The following ACSF3 variants were observed in gnomAD, a reference collection of about 807,000 sequenced individuals.
ACSF3 encodes malonate--CoA ligase ACSF3, mitochondrial.
Under a neutral mutation model 53.2 loss-of-function variants are expected in ACSF3, and 78 were observed. That is an observed-to-expected ratio of 1.47 (90% CI 1.22 to 1.77). ACSF3 has a LOEUF of 1.77. Among genes scored for constraint, ACSF3 ranks in the 40% most tolerant of loss-of-function variants. ACSF3 has a pLI of 0.00. For synonymous variants in ACSF3, 414 were observed against 333.1 expected (o/e 1.24, Z -2.65); for missense variants, 937 against 771.1 (o/e 1.22, Z -2.55).
Position 89,101,217 on chromosome 16 carries a change from T to G in ACSF3, c.536T>G (p.Val179Gly), listed in dbSNP as rs374765592. ...PLTPAIYTGAVEEPAEVPVPE... is the reference protein window; with the variant it reads ...PLTPAIYTGAGEEPAEVPVPE... ...ACACCAGCCATCTACACTGGAGCAG[T>G]AGAGGAACCGGCAGAGGTCCCGGTC... The change falls in exon 3 of 11, where the codon GTA becomes GGA. Residue 179 changes from valine to glycine, a missense_variant. Val to Gly is a moderately radical substitution (Grantham distance 109). Transcript: ENST00000614302. 20 of 1,604,012 alleles carry G rather than the reference T, an allele frequency of 1.2e-5. No individual in the cohort carries two copies. Among genetic ancestry groups the G allele is most frequent in the East Asian group, 4.5e-5 (2 of 44,580 alleles).
In ACSF3 at chr16:89,155,392, C is replaced by T; in HGVS notation, c.*1185C>T. The T allele has an allele frequency of 2.2e-6, 1 of 453,002 alleles. No individual in the cohort carries two copies. The highest frequency in any genetic ancestry group is 4.4e-6 in the Non-Finnish European group (1 of 225,768). The allele number at this position is 453,002 out of a possible 1,614,324, so 28.1% of individuals were successfully genotyped here. On this transcript the variant is annotated 3_prime_UTR_variant, in exon 11 of 11. Coordinates refer to ENST00000614302, the MANE Select transcript of ACSF3 (RefSeq NM_001243279.3). ...GGAGACCAGCCCCATCTCAGGCTCA[C>T]ATGCCTCGCGGACAGTTGGACGTGG...
chr16:89,141,593 C>T lies in ACSF3; in HGVS notation c.1367-3674C>T, dbSNP rs149006350. ...CCAGGAACGTCCAGGCCAAGGCGTC[C>T]GGGCAAAGGCATCCAGGCCCGGGAG... On this transcript the variant is annotated intron_variant, in intron 8 of 10. Transcript: ENST00000614302. Among the ~76,000 whole-genome samples, 644 of 151,522 alleles carry T rather than the reference C, an allele frequency of 4.3e-3. 2 individuals carry two copies. Among genetic ancestry groups the T allele is most frequent in the African/African-American group, 0.015 (608 of 41,500 alleles).
At chr16:89,108,427 G>C (rs1164248728) in intron 4 of ACSF3, among the ~76,000 whole-genome samples, 2 of 152,158 alleles carry the variant, frequency 1.3e-5, no homozygotes, top group Non-Finnish European at 2.9e-5. Context: ...CACTGAAAAT[G>C]TTTTTATTGC....
intron 1 of ACSF3, among the ~76,000 whole-genome samples, chr16:89,096,925 C>G (rs1178497855): frequency 6.6e-6 from 1 of 152,242 alleles, no homozygotes; most frequent in Non-Finnish European, 1.5e-5. Flanking sequence ...GAGTGCCCAC[C>G]CACAGGCAGC....
chr16:89,096,728 C>T (rs377564818), intron 1 of ACSF3, among the ~76,000 whole-genome samples: 1 of 152,194 alleles, frequency 6.6e-6, no homozygotes, highest in Non-Finnish European at 1.5e-5. Flanking sequence ...TGCCAGGACT[C>T]CCCCCTTCCC....
At chr16:89,144,179 G>A (rs1165190904) in intron 8 of ACSF3, among the ~76,000 whole-genome samples, 1 of 152,242 alleles carries the variant, frequency 6.6e-6, no homozygotes, top group Non-Finnish European at 1.5e-5. Context: ...TGAGGCTGCA[G>A]CCCGCTCTTC....
intron 4 of ACSF3, 120 bp downstream of exon 4, chr16:89,102,879 C>T: frequency 7.1e-7 from 1 of 1,405,142 alleles, no homozygotes; most frequent in Non-Finnish European, 9.8e-7. Flanking sequence ...GGTCAGGGCT[C>T]TCGGCCGCGC....
At chr16:89,121,497 G>A (rs1906643037) in intron 7 of ACSF3, among the ~76,000 whole-genome samples, 3 of 152,350 alleles carry the variant, frequency 2.0e-5, no homozygotes, top group Non-Finnish European at 1.5e-5. Flanking sequence ...TCATTTCTGT[G>A]AGGATTTTAA....
rs560003776 is a variant in ACSF3, at chr16:89,155,188, C to T, written c.*981C>T. ...AATCCAGAAGTTTCTGGACAATTTT[C>T]AGAAGAATAGGCTGCCTCCTCCCCA... is the stretch of plus-strand genomic sequence containing the variant. On this transcript the variant is annotated 3_prime_UTR_variant, in exon 11 of 11. Coordinates refer to ENST00000614302, the MANE Select transcript of ACSF3 (RefSeq NM_001243279.3). 1 of 454,170 alleles carries T rather than the reference C, an allele frequency of 2.2e-6. No individual in the cohort carries two copies. Among genetic ancestry groups the T allele is most frequent in the Non-Finnish European group, 4.4e-6 (1 of 226,800 alleles). The allele number at this position is 454,170 out of a possible 1,614,324, so 28.1% of individuals were successfully genotyped here. A position where few individuals can be genotyped will look rare whatever the true frequency, so the allele number is the denominator to read the frequency against.
In ACSF3 at chr16:89,101,154, C is replaced by CA. The variant is rs1567685057; in HGVS notation, c.473_474insA (p.Val159GlyfsTer111). ...CAGGAGTACCTGGAGCTCCTGAGCC[C>CA]GGTGGTCAGGAAGCTGGGGGTCCCG... is the stretch of plus-strand genomic sequence containing the variant. On this transcript the variant is annotated frameshift_variant, in exon 3 of 11. Coordinates refer to ENST00000614302, the MANE Select transcript of ACSF3 (RefSeq NM_001243279.3). LOFTEE classifies it high-confidence loss of function. 8 of 1,613,490 alleles carry CA rather than the reference C, an allele frequency of 5.0e-6. No homozygotes were observed. The highest frequency in any genetic ancestry group is 1.3e-5 in the African/African-American group (1 of 74,924).
chr16:89,133,302 G>A (rs753076046), intron 8 of ACSF3, 40 bp downstream of exon 8: 3 of 1,612,704 alleles, frequency 1.9e-6, no homozygotes, highest in Non-Finnish European at 2.5e-6. Flanking sequence ...GACCCCGAGG[G>A]GACAGGCAGG....
rs765233803 is a variant in ACSF3 at position 89,112,255 on chromosome 16, A to G, written c.977+9A>G. 1 of 1,614,056 alleles carries G rather than the reference A, an allele frequency of 6.2e-7. No individual in the cohort carries two copies. The highest frequency in any genetic ancestry group is 1.1e-5 in the South Asian group (1 of 91,068). ...TGTGAAGAAAAAATTAGGTAAGTGA[A>G]AAGAGCCCACTTTCTCGTTCAGAAA... On this transcript the variant is annotated intron_variant, in intron 5 of 10. Coordinates refer to ENST00000614302, the MANE Select transcript of ACSF3 (RefSeq NM_001243279.3).
intron 1 of ACSF3, 78 bp downstream of exon 1, chr16:89,094,074 C>A (rs1237310695): frequency 1.3e-5 from 2 of 151,014 alleles, no homozygotes; most frequent in Admixed American, 6.6e-5. Flanking sequence ...CTCCGGCGCC[C>A]GCCCCTGGGT....
chr16:89,123,669 G>A (rs1166825498), intron 7 of ACSF3, among the ~76,000 whole-genome samples: 6 of 152,226 alleles, frequency 3.9e-5, no homozygotes, highest in African/African-American at 7.2e-5. Flanking sequence ...CAGGCCTTCA[G>A]AGCTGAATTA....
intron 1 of ACSF3, among the ~76,000 whole-genome samples, chr16:89,096,511 A>T (rs1270007864): frequency 6.6e-6 from 1 of 152,198 alleles, no homozygotes; most frequent in Non-Finnish European, 1.5e-5. Flanking sequence ...AAGAGAACTG[A>T]TGACTGGGCA....
rs555456086 is a variant in ACSF3, at chr16:89,097,597, G to A, written c.-193-994G>A. Among the ~76,000 whole-genome samples the A allele has an allele frequency of 3.9e-5, 6 of 152,370 alleles. No homozygotes were observed. The East Asian group carries it at 7.7e-4, about 20-fold the overall frequency. ...ATCGGTTGGAAGTGAGGAAGGAAGC[G>A]TGGTGGGGCCGCCCTGGTTTGCTGC... is the stretch of plus-strand genomic sequence containing the variant. On this transcript the variant is annotated intron_variant, in intron 1 of 10. Transcript: ENST00000614302.
intron 4 of ACSF3, among the ~76,000 whole-genome samples, chr16:89,111,538 G>A (rs1976677907): frequency 6.6e-6 from 1 of 152,264 alleles, no homozygotes; most frequent in Non-Finnish European, 1.5e-5. Context: ...GGCCATGGAA[G>A]GAATGCGGCT....
At chr16:89,095,796 C>T (rs552284280) in intron 1 of ACSF3, among the ~76,000 whole-genome samples, 1 of 152,220 alleles carries the variant, frequency 6.6e-6, no homozygotes, top group African/African-American at 2.4e-5. Flanking sequence ...TTCGTACATT[C>T]TCACGTGAAG....
At chr16:89,133,651 C>A (rs1037334629) in intron 8 of ACSF3, among the ~76,000 whole-genome samples, 1 of 152,254 alleles carries the variant, frequency 6.6e-6, no homozygotes, top group African/African-American at 2.4e-5. Flanking sequence ...CCGAGGTGTA[C>A]CCCTGTACCC....
Sources: allele counts gnomAD v4.1 joint callset (sites outside exome capture counted in the v4.1 genomes callset), GRCh38; gene constraint gnomAD v4.1.1; transcripts MANE v1.5; gene names NCBI Gene and HGNC (gene_info 2026-07-23, HGNC 2026-07-21).